CD99L2: variants seen among roughly 807,000 people sequenced by gnomAD.
CD99L2 encodes CD99 antigen-like protein 2.
A neutral mutation model predicts 27.3 loss-of-function variants in CD99L2; 24 were observed. That is an observed-to-expected ratio of 0.88 (90% CI 0.64 to 1.24). CD99L2 has a LOEUF of 1.24. Among genes scored for constraint, CD99L2 ranks in the 50% most tolerant of loss-of-function variants. The pLI, the probability that CD99L2 is intolerant of heterozygous loss-of-function variation, is 0.00. For synonymous variants in CD99L2, 97 were observed against 87.9 expected, an observed-to-expected ratio of 1.10 and a Z score of -0.58; for missense variants, 255 against 221.6, an observed-to-expected ratio of 1.15 and a Z score of -0.96.
At chrX:150,861,671 G>A (rs1484540108) in intron 1 of CD99L2, among the ~76,000 whole-genome samples, 1 of 111,553 alleles carries the variant, frequency 9.0e-6, no homozygotes, top group Non-Finnish European at 1.9e-5. Flanking sequence ...GGGAGGCTGA[G>A]GCAGGCGAAT....
At chrX:150,814,418 A>AC (rs782201048) in intron 4 of CD99L2, among the ~76,000 whole-genome samples, 1 of 111,993 alleles carries the variant, frequency 8.9e-6, no homozygotes, top group Non-Finnish European at 1.9e-5. Flanking sequence ...ACAACATCTC[A>AC]CGATGGAATA....
At chrX:150,771,723 A>G (rs2043459344) in intron 9 of CD99L2, 1 of 1,055,618 alleles carries the variant, frequency 9.5e-7, no homozygotes. Context: ...GAAGAGCGGC[A>G]AGGAAGCGCC....
intron 1 of CD99L2, among the ~76,000 whole-genome samples, chrX:150,890,151 A>AAAATAAAT (rs56795332): frequency 4.3e-4 from 43 of 98,881 alleles, no homozygotes; most frequent in East Asian, 2.9e-3. Context: ...ACTCCGTCTC[A>AAAATAAAT]AAATAAATAA....
chrX:150,889,775 A>G (rs1278766107), intron 1 of CD99L2, among the ~76,000 whole-genome samples: 1 of 112,764 alleles, frequency 8.9e-6, no homozygotes, highest in Non-Finnish European at 1.9e-5. Context: ...GAGGTAGAAA[A>G]CTAATAAAAA....
chrX:150,816,114 T>C, intron 2 of CD99L2, 36 bp from the exon 3 acceptor site: 1 of 1,160,713 alleles, frequency 8.6e-7, no homozygotes, highest in Non-Finnish European at 1.2e-6. Flanking sequence ...GGGGAGCACG[T>C]TTAGTAACAA....
intron 7 of CD99L2, among the ~76,000 whole-genome samples, chrX:150,778,273 G>A (rs1489217213): frequency 1.8e-5 from 2 of 110,510 alleles, no homozygotes; most frequent in East Asian, 2.8e-4. Context: ...TGAGTTCACC[G>A]TTCATGCCAC....
At chrX:150,775,680 C>T (rs1287635666) in intron 9 of CD99L2, among the ~76,000 whole-genome samples, 1 of 112,353 alleles carries the variant, frequency 8.9e-6, no homozygotes, top group Non-Finnish European at 1.9e-5. Flanking sequence ...TGACTTCTCA[C>T]GATGTGACGG....
intron 1 of CD99L2, 93 bp from the exon 2 acceptor site, chrX:150,831,386 G>A (rs2046442387): frequency 8.0e-6 from 6 of 745,445 alleles, no homozygotes; most frequent in Non-Finnish European, 1.2e-5. Context: ...TTTAGAAAGT[G>A]AAGGAATAAC....
chrX:150,869,616 C>T (rs1317701321), intron 1 of CD99L2, among the ~76,000 whole-genome samples: 4 of 112,169 alleles, frequency 3.6e-5, no homozygotes, highest in Non-Finnish European at 7.5e-5. Context: ...CCCTGAGTGG[C>T]TGCCAGTCCA....
chrX:150,882,659 G>C (rs1344722617), intron 1 of CD99L2, among the ~76,000 whole-genome samples: 2 of 111,103 alleles, frequency 1.8e-5, no homozygotes, highest in South Asian at 3.8e-4. Flanking sequence ...TGGGCAACAA[G>C]AGCCAGACTC....
At chrX:150,831,028 C>T (rs1299306121) in intron 2 of CD99L2, among the ~76,000 whole-genome samples, 5 of 110,935 alleles carry the variant, frequency 4.5e-5, no homozygotes, top group African/African-American at 1.6e-4. Context: ...AGGCTGGTCT[C>T]GAACTTCTGA....
chrX:150,843,794 G>A (rs1433557971), intron 1 of CD99L2, among the ~76,000 whole-genome samples: 1 of 111,339 alleles, frequency 9.0e-6, no homozygotes, highest in Non-Finnish European at 1.9e-5. Flanking sequence ...CCTTAATGGA[G>A]GCTAAGTACT....
At chrX:150,823,544 C>A (rs2046272027) in intron 2 of CD99L2, among the ~76,000 whole-genome samples, 1 of 111,676 alleles carries the variant, frequency 9.0e-6, no homozygotes, top group Non-Finnish European at 1.9e-5. Context: ...CCTCACCCTC[C>A]CCAAGTGCTG....
At chrX:150,848,567 A>AC (rs1404638519) in intron 1 of CD99L2, among the ~76,000 whole-genome samples, 1 of 110,834 alleles carries the variant, frequency 9.0e-6, no homozygotes, top group African/African-American at 3.3e-5. Context: ...AAAAAAAAAA[A>AC]AAAAAACAGC....
At chrX:150,816,394 C>T (rs997007821) in intron 2 of CD99L2, 2 of 287,002 alleles carry the variant, frequency 7.0e-6, no homozygotes, top group African/African-American at 5.4e-5. Flanking sequence ...CCAGGGAGTT[C>T]CACAGCCTGA....
At chrX:150,850,158 T>C (rs782750024) in intron 1 of CD99L2, among the ~76,000 whole-genome samples, 47 of 111,746 alleles carry the variant, frequency 4.2e-4, no homozygotes, top group African/African-American at 1.5e-3. Flanking sequence ...CCTGCAAGTC[T>C]AGATTGTTGA....
At chrX:150,781,804 C>T (rs1316533961) in intron 7 of CD99L2, among the ~76,000 whole-genome samples, 1 of 112,005 alleles carries the variant, frequency 8.9e-6, no homozygotes, top group African/African-American at 3.2e-5. Context: ...ATAGCAACCA[C>T]CATAGCTACA....
chrX:150,879,750 TAAAAAA>T (rs60706288), intron 1 of CD99L2, among the ~76,000 whole-genome samples: 4 of 19,385 alleles, frequency 2.1e-4, no homozygotes, highest in Non-Finnish European at 3.4e-4. Context: ...CTACAAAAAC[TAAAAAA>T]AAAAAAAAAA....
intron 1 of CD99L2, among the ~76,000 whole-genome samples, chrX:150,846,421 T>G (rs1351741901): frequency 9.0e-6 from 1 of 110,608 alleles, no homozygotes; most frequent in African/African-American, 3.3e-5. Context: ...AGAGACACCT[T>G]GCGCAAGGGA....
Sources: gnomAD v4.1 joint callset for allele counts (sites outside exome capture counted in the v4.1 genomes callset) on GRCh38, gnomAD v4.1.1 for gene constraint, MANE v1.5 for transcripts, NCBI Gene and HGNC (gene_info 2026-07-23, HGNC 2026-07-21) for gene names.